The following CCDC192 variants were observed in gnomAD, a reference collection of about 807,000 sequenced individuals.
CCDC192 encodes the protein coiled-coil domain containing 192, also known as coiled-coil domain-containing protein 192.
intron 2 of CCDC192, among the ~76,000 whole-genome samples, chr5:127,750,087 G>A (rs949826642): frequency 2.0e-5 from 3 of 151,932 alleles, no homozygotes; most frequent in African/African-American, 7.3e-5. Context: ...TTAATTTTTT[G>A]AAGAGTTTTT....
chr5:127,794,163 T>C (rs545000894), intron 3 of CCDC192, among the ~76,000 whole-genome samples: 9 of 152,276 alleles, frequency 5.9e-5, no homozygotes, highest in African/African-American at 1.9e-4. Flanking sequence ...CGATAACTGT[T>C]GCTACAGGAA....
At chr5:127,844,886 G>A (rs565497807) in intron 5 of CCDC192, among the ~76,000 whole-genome samples, 1 of 152,336 alleles carries the variant, frequency 6.6e-6, no homozygotes, top group Admixed American at 6.5e-5. Context: ...AATGTCTGAA[G>A]CCTCACAGGG....
At chr5:127,731,684 C>T (rs1752648646) in intron 2 of CCDC192, among the ~76,000 whole-genome samples, 1 of 152,098 alleles carries the variant, frequency 6.6e-6, no homozygotes, top group African/African-American at 2.4e-5. Context: ...ACCAACGGAA[C>T]AGAATAGAGA....
intron 6 of CCDC192, among the ~76,000 whole-genome samples, chr5:127,924,860 T>C (rs1753821853): frequency 6.6e-6 from 1 of 152,202 alleles, no homozygotes; most frequent in Non-Finnish European, 1.5e-5. Context: ...AGGTGCTCTG[T>C]AAATGTTTAT....
At chr5:127,815,799 C>T (rs558977284) in intron 5 of CCDC192, among the ~76,000 whole-genome samples, 6 of 151,476 alleles carry the variant, frequency 4.0e-5, no homozygotes, top group South Asian at 2.1e-4. Flanking sequence ...ACCTGGGAGG[C>T]GGAGCTTGCA....
chr5:127,771,648 G>A (rs745638285), intron 3 of CCDC192, among the ~76,000 whole-genome samples: 1 of 152,202 alleles, frequency 6.6e-6, no homozygotes, highest in Non-Finnish European at 1.5e-5. Flanking sequence ...TCAAAGCCAA[G>A]TGCAGTGGCT....
chr5:127,865,536 T>A (rs1207009692), intron 5 of CCDC192, among the ~76,000 whole-genome samples: 2 of 151,728 alleles, frequency 1.3e-5, no homozygotes, highest in Non-Finnish European at 2.9e-5. Flanking sequence ...AAGCTAATGA[T>A]TGTCAGACTG....
At chr5:127,734,131 G>A (rs1045960077) in intron 2 of CCDC192, among the ~76,000 whole-genome samples, 2 of 130,958 alleles carry the variant, frequency 1.5e-5, no homozygotes, top group Non-Finnish European at 3.1e-5. Context: ...CTGTGTCCAT[G>A]TGATCTCATT....
At chr5:127,749,055 C>A (rs908468521) in intron 2 of CCDC192, among the ~76,000 whole-genome samples, 1 of 152,192 alleles carries the variant, frequency 6.6e-6, no homozygotes, top group South Asian at 2.1e-4. Flanking sequence ...CATCTGCAAA[C>A]AGGGACAATT....
At chr5:127,720,628 C>T (rs1253217568) in intron 2 of CCDC192, among the ~76,000 whole-genome samples, 1 of 152,238 alleles carries the variant, frequency 6.6e-6, no homozygotes, top group African/African-American at 2.4e-5. Context: ...TATATTTCTC[C>T]TCCACACTGC....
At chr5:127,767,209 AG>A in intron 3 of CCDC192, among the ~76,000 whole-genome samples, 1 of 152,278 alleles carries the variant, frequency 6.6e-6, no homozygotes, top group South Asian at 2.1e-4. Context: ...AATGTGTCCC[AG>A]GCCCCTGTGA....
intron 6 of CCDC192, among the ~76,000 whole-genome samples, chr5:127,878,516 C>T (rs932227408): frequency 1.3e-5 from 2 of 152,146 alleles, no homozygotes; most frequent in African/African-American, 2.4e-5. Flanking sequence ...CCTAGCCAGG[C>T]ATGGTGATGC....
In CCDC192 at chr5:127,896,420, T is replaced by C. The variant is rs1308449752; in HGVS notation, c.535+20759T>C. ...TTCCCACTTGTAGCTCCTGATTCTT[T>C]TCATTTTCTTCTTCTTTTTTTTTTT... On this transcript the variant is annotated intron_variant, in intron 6 of 6. Coordinates refer to ENST00000514853, the MANE Select transcript of CCDC192 (RefSeq NM_001317938.2). 2.0e-5 allele frequency among the ~76,000 whole-genome samples: 3 copies of C among 148,832 alleles called. No individual in the cohort carries two copies. The South Asian group carries it at 6.6e-4, about 33-fold the overall frequency.
intron 2 of CCDC192, chr5:127,740,210 T>TTTTG (rs1753331335): frequency 6.6e-6 from 1 of 152,194 alleles, no homozygotes; most frequent in African/African-American, 2.4e-5. Flanking sequence ...AAAACTGAGG[T>TTTTG]GCACTGAGTA....
At chr5:127,904,495 C>CTT (rs11344791) in intron 6 of CCDC192, among the ~76,000 whole-genome samples, 229 of 115,798 alleles carry the variant, frequency 2.0e-3, no homozygotes, top group Non-Finnish European at 2.6e-3. Context: ...TTGGCAGAGA[C>CTT]TTTTTTTTTT....
intron 2 of CCDC192, among the ~76,000 whole-genome samples, chr5:127,735,154 A>G (rs35198208): frequency 0.11 from 13,673 of 123,182 alleles, 1,880 homozygotes; most frequent in African/African-American, 0.32. Flanking sequence ...ATGGCTAGCC[A>G]GTTTTCCCAG....
At chr5:127,733,055 A>G (rs77631665) in intron 2 of CCDC192, among the ~76,000 whole-genome samples, 4,978 of 152,292 alleles carry the variant, frequency 0.033, 269 homozygotes, top group African/African-American at 0.11. Flanking sequence ...GAGATGGAAC[A>G]GATCAATTAA....
chr5:127,732,482 C>T (rs1212528981), intron 2 of CCDC192, among the ~76,000 whole-genome samples: 1 of 152,170 alleles, frequency 6.6e-6, no homozygotes, highest in African/African-American at 2.4e-5. Flanking sequence ...ACCCAGCAAT[C>T]CCATTACTAG....
chr5:127,790,426 A>G (rs747840703), intron 3 of CCDC192, among the ~76,000 whole-genome samples: 11 of 152,210 alleles, frequency 7.2e-5, no homozygotes, highest in Non-Finnish European at 1.2e-4. Flanking sequence ...TAATCGGGAC[A>G]TCCAACACTC....
Sources: allele counts gnomAD v4.1 joint callset (sites outside exome capture counted in the v4.1 genomes callset), GRCh38; gene constraint gnomAD v4.1.1; transcripts MANE v1.5; gene names NCBI Gene and HGNC (gene_info 2026-07-23, HGNC 2026-07-21).